The following PARD3B variants were observed in gnomAD, a reference collection of about 807,000 sequenced individuals.
PARD3B encodes partitioning defective 3 homolog B.
A neutral mutation model predicts 130.2 loss-of-function variants in PARD3B; 103 were observed. The observed-to-expected ratio is 0.79, with a 90% CI of 0.67 to 0.93. PARD3B has a LOEUF of 0.93. Among genes scored for constraint, PARD3B ranks in the 40% least tolerant of loss-of-function variants. The probability of loss-of-function intolerance (pLI) is 0.00; values close to 1 mark genes in which losing one functional copy is unlikely to be tolerated. For missense variants in PARD3B, 1,609 were observed against 1,499.2 expected (o/e 1.07, Z -1.21); for synonymous variants, 583 against 553.2 (o/e 1.05, Z -0.76).
At chr2:205,412,953 T>C (rs2046651215) in intron 19 of PARD3B, among the ~76,000 whole-genome samples, 1 of 152,192 alleles carries the variant, frequency 6.6e-6, no homozygotes, top group Non-Finnish European at 1.5e-5. Flanking sequence ...GTTGTGAGAA[T>C]TAAATAAGAC....
intron 2 of PARD3B, among the ~76,000 whole-genome samples, chr2:204,862,896 T>C (rs2045266875): frequency 6.6e-6 from 1 of 151,996 alleles, no homozygotes; most frequent in Non-Finnish European, 1.5e-5. Context: ...TGCTAGCAGG[T>C]TTCTCACCTT....
At chr2:204,633,920 G>A (rs1442784755) in intron 1 of PARD3B, among the ~76,000 whole-genome samples, 3 of 152,172 alleles carry the variant, frequency 2.0e-5, no homozygotes, top group African/African-American at 7.2e-5. Flanking sequence ...AATGTGTAAT[G>A]TGAAACAAGC....
rs1319763981 is a variant in PARD3B, at chr2:204,689,533, G to A, written c.222+3251G>A. On this transcript the variant is annotated intron_variant, in intron 2 of 22. Coordinates refer to ENST00000406610, the MANE Select transcript of PARD3B (RefSeq NM_001302769.2). The surrounding 1 kb of genome is among the most constrained non-coding windows in gnomAD (Gnocchi z 5.2). ...CGAGTTCTTTGGGATAAATATCTAA[G>A]AATTGTAATTTTACACTCATGTCTC... Among the ~76,000 whole-genome samples the A allele has an allele frequency of 2.0e-5, 3 of 152,050 alleles. No homozygotes were observed. Among genetic ancestry groups the A allele is most frequent in the Non-Finnish European group, 4.4e-5 (3 of 67,994 alleles).
At position 205,615,823 on chromosome 2, in the gene PARD3B, A is replaced by T; in HGVS notation, c.*10A>T. 6.2e-7 allele frequency: 1 copy of T among 1,602,156 alleles called. No homozygotes were observed. Among genetic ancestry groups the T allele is most frequent in the East Asian group, 2.2e-5 (1 of 44,764 alleles). On this transcript the variant is annotated 3_prime_UTR_variant, in exon 23 of 23. Transcript: ENST00000406610. ...GACTGCAGCCGTATAGCTGAGTGCC[A>T]CCGAGGCCAGCCCGGTCCAGAAAGG...
At chr2:204,621,268 A>G (rs912906446) in intron 1 of PARD3B, among the ~76,000 whole-genome samples, 1 of 152,202 alleles carries the variant, frequency 6.6e-6, no homozygotes, top group African/African-American at 2.4e-5. Context: ...CTTCTAACGC[A>G]ATGCAGGACA....
At chr2:205,422,778 C>T (rs533148976) in intron 19 of PARD3B, among the ~76,000 whole-genome samples, 2 of 151,950 alleles carry the variant, frequency 1.3e-5, no homozygotes, top group African/African-American at 2.4e-5. Flanking sequence ...ACTAGGTAGG[C>T]CAAGGAATAG....
intron 2 of PARD3B, among the ~76,000 whole-genome samples, chr2:204,928,717 T>C (rs903963330): frequency 1.3e-5 from 2 of 152,130 alleles, no homozygotes; most frequent in African/African-American, 4.8e-5. Flanking sequence ...TTGCTGTAGG[T>C]GAGCTTTGGG....
In PARD3B at chr2:205,440,515, T is replaced by A; in HGVS notation, c.2887T>A (p.Cys963Ser). Residue 963 changes from cysteine (C) to serine (S), a missense_variant, in exon 20 of 23, where the codon TGC (cysteine) becomes AGC (serine). Transcript: ENST00000406610. This position sits in a 1 kb window ranked among gnomAD's most constrained non-coding sequence, Gnocchi z 4.2. Reference protein sequence around the residue: ...YARVNHFREPCTSANVFRSPS... With the variant: ...YARVNHFREPSTSANVFRSPS... ...CAGAGTGAACCACTTTCGGGAACCA[T>A]GCACATCAGCAAATGTCTTTAGATC... 1.5e-5 allele frequency: 24 copies of A among 1,614,100 alleles called. No homozygotes were observed. The highest frequency in any genetic ancestry group is 1.9e-5 in the Non-Finnish European group (23 of 1,179,994).
chr2:205,480,140 G>A (rs2049177443), intron 20 of PARD3B, among the ~76,000 whole-genome samples: 3 of 152,034 alleles, frequency 2.0e-5, no homozygotes, highest in Admixed American at 2.0e-4. Context: ...CCTGGCCTCA[G>A]ATGATCCACC....
chr2:205,215,614 A>G (rs1283304125), intron 15 of PARD3B, among the ~76,000 whole-genome samples: 6 of 152,164 alleles, frequency 3.9e-5, no homozygotes, highest in Non-Finnish European at 7.4e-5. Flanking sequence ...TTGAGATATT[A>G]TATTGGCAAA....
Position 205,116,181 on chromosome 2 carries a change from A to C in PARD3B, c.680+2604A>C, listed in dbSNP as rs754420930. Among the ~76,000 whole-genome samples, 8 of 152,202 alleles carry C rather than the reference A, an allele frequency of 5.3e-5. No homozygotes were observed. The highest frequency in any genetic ancestry group is 1.2e-4 in the Non-Finnish European group (8 of 68,038). On this transcript the variant is annotated intron_variant, in intron 6 of 22. Coordinates refer to ENST00000406610, the MANE Select transcript of PARD3B (RefSeq NM_001302769.2). The surrounding 1 kb of genome is among the most constrained non-coding windows in gnomAD (Gnocchi z 4.5). Reference sequence around the variant, plus strand: ...AGTTCTTGCAACTAAAATGCAACTTAATTTTATTCAGATTTTTAAAATCAA... The same window carrying C: ...AGTTCTTGCAACTAAAATGCAACTTCATTTTATTCAGATTTTTAAAATCAA...
rs945001141 is a variant in PARD3B at position 205,352,295 on chromosome 2, A to G, written c.2631-48718A>G. On this transcript the variant is annotated intron_variant, in intron 18 of 22. Transcript: ENST00000406610. This position sits in a 1 kb window ranked among gnomAD's most constrained non-coding sequence, Gnocchi z 5.2. The stretch of plus-strand genomic sequence containing the variant: ...GAGCTTTTCTTTTCACTGTACAGTT[A>G]TGGATTATCTTTGCTGGCTGGATAT... Among the ~76,000 whole-genome samples the G allele has an allele frequency of 6.6e-6, 1 of 152,174 alleles. No homozygotes were observed. The highest frequency in any genetic ancestry group is 1.5e-5 in the Non-Finnish European group (1 of 68,028).
intron 1 of PARD3B, among the ~76,000 whole-genome samples, chr2:204,646,585 A>C (rs1315835186): frequency 6.6e-6 from 1 of 152,046 alleles, no homozygotes; most frequent in Non-Finnish European, 1.5e-5. Flanking sequence ...GGTTGTGATG[A>C]ATATTCTGAG....
chr2:205,370,840 G>C (rs1559711600), intron 18 of PARD3B, among the ~76,000 whole-genome samples: 1 of 151,970 alleles, frequency 6.6e-6, no homozygotes, highest in Non-Finnish European at 1.5e-5. Flanking sequence ...GTGGTAGGGT[G>C]ATGTTTGCCT....
chr2:205,403,939 G>T (rs540203394), intron 19 of PARD3B, among the ~76,000 whole-genome samples: 150 of 48,346 alleles, frequency 3.1e-3, no homozygotes, highest in African/African-American at 4.5e-3. Flanking sequence ...AGAAACCCTA[G>T]CCAGTGCTCA....
intron 15 of PARD3B, among the ~76,000 whole-genome samples, chr2:205,238,849 A>ATATATATATAT (rs1553645977): frequency 1.0e-4 from 8 of 76,902 alleles, no homozygotes; most frequent in Non-Finnish European, 6.9e-5. Flanking sequence ...AAAAAAAAAA[A>ATATATATATAT]ATATATATAT....
intron 18 of PARD3B, among the ~76,000 whole-genome samples, chr2:205,362,716 T>C: frequency 6.6e-6 from 1 of 152,212 alleles, no homozygotes; most frequent in East Asian, 1.9e-4. Context: ...ACATAAATTC[T>C]GCGAGATTGG....
At chr2:205,145,852 C>A (rs571120870) in intron 10 of PARD3B, among the ~76,000 whole-genome samples, 16 of 151,488 alleles carry the variant, frequency 1.1e-4, no homozygotes, top group Non-Finnish European at 2.1e-4. Flanking sequence ...ACCTTTTCCC[C>A]CAGATTTTTT....
rs2029881801 is a variant in PARD3B, at chr2:204,545,806, C to T, written c.-194C>T. ...TAACCCCTTTCCGCGGCCGCCCCTC[C>T]CCGATTCCCGCCACCTGCCGCCTGG... On this transcript the variant is annotated 5_prime_UTR_variant, in exon 1 of 23. Coordinates refer to ENST00000406610, the MANE Select transcript of PARD3B (RefSeq NM_001302769.2). The T allele has an allele frequency of 3.8e-5, 21 of 553,824 alleles. No individual in the cohort carries two copies. In the South Asian group the frequency reaches 5.9e-4, roughly 16 times the overall value. The allele number at this position is 553,824 out of a possible 1,614,324, so 34.3% of individuals were successfully genotyped here.
Sources: gnomAD v4.1 joint callset for allele counts (sites outside exome capture counted in the v4.1 genomes callset) on GRCh38, gnomAD v4.1.1 for gene constraint, Gnocchi (gnomAD v3.1) non-coding constraint, MANE v1.5 for transcripts, NCBI Gene and HGNC (gene_info 2026-07-23, HGNC 2026-07-21) for gene names.